Variants in NEGR1 observed in about 807,000 individuals in gnomAD.
NEGR1 encodes the protein IgLON family member 4.
Under a neutral mutation model 40.9 loss-of-function variants are expected in NEGR1, and 10 were observed. The observed-to-expected ratio is 0.24, with a 90% CI of 0.15 to 0.42. The LOEUF (loss-of-function observed/expected upper bound fraction) is 0.42. Ranked by LOEUF, NEGR1 falls within the 10% of genes least tolerant of loss-of-function variation. The pLI, the probability that NEGR1 is intolerant of heterozygous loss-of-function variation, is 1.00. For missense variants in NEGR1, 352 were observed against 438.9 expected (o/e 0.80, Z 1.77); for synonymous variants, 185 against 166.8 (o/e 1.11, Z -0.84).
At chr1:71,898,277 A>G (rs1030180293) in intron 2 of NEGR1, among the ~76,000 whole-genome samples, 10 of 152,114 alleles carry the variant, frequency 6.6e-5, no homozygotes, top group Non-Finnish European at 1.5e-4. Flanking sequence ...TTTATCATCC[A>G]TATCTAAGAA....
intron 4 of NEGR1, among the ~76,000 whole-genome samples, chr1:71,631,075 T>C (rs1350144747): frequency 6.6e-6 from 1 of 151,970 alleles, no homozygotes; most frequent in Non-Finnish European, 1.5e-5. Context: ...TTCACCTTGG[T>C]GATTAACCAC....
At chr1:72,062,224 G>C (rs1647189372) in intron 1 of NEGR1, among the ~76,000 whole-genome samples, 1 of 151,648 alleles carries the variant, frequency 6.6e-6, no homozygotes, top group Admixed American at 6.6e-5. Flanking sequence ...CTCCCCTTTG[G>C]AAGTTTTTCC....
intron 4 of NEGR1, among the ~76,000 whole-genome samples, chr1:71,631,715 A>G (rs1226886421): frequency 6.6e-6 from 1 of 151,836 alleles, no homozygotes; most frequent in Non-Finnish European, 1.5e-5. Flanking sequence ...GAATGAAACC[A>G]TAACTTTATC....
At chr1:71,972,673 C>T (rs1050344506) in intron 1 of NEGR1, among the ~76,000 whole-genome samples, 4 of 152,074 alleles carry the variant, frequency 2.6e-5, no homozygotes, top group East Asian at 1.9e-4. Flanking sequence ...TCCTGCCCCA[C>T]GGATACTATA....
chr1:71,414,389 A>G (rs776516210), intron 6 of NEGR1, among the ~76,000 whole-genome samples: 11 of 152,130 alleles, frequency 7.2e-5, no homozygotes, highest in Non-Finnish European at 1.2e-4. Context: ...CCTTTTTTGT[A>G]TCACTTAATT....
intron 1 of NEGR1, among the ~76,000 whole-genome samples, chr1:72,172,482 C>G (rs1369613480): frequency 6.6e-6 from 1 of 152,064 alleles, no homozygotes; most frequent in East Asian, 1.9e-4. Context: ...AAGGGCCCAT[C>G]ATTAAATGCA....
intron 1 of NEGR1, among the ~76,000 whole-genome samples, chr1:72,187,063 G>T (rs1360903309): frequency 6.6e-6 from 1 of 151,360 alleles, no homozygotes; most frequent in Non-Finnish European, 1.5e-5. Flanking sequence ...CATTTTAGGT[G>T]GCCAATCTCA....
chr1:72,116,856 T>A (rs934348190), intron 1 of NEGR1, among the ~76,000 whole-genome samples: 1 of 151,782 alleles, frequency 6.6e-6, no homozygotes, highest in Non-Finnish European at 1.5e-5. Flanking sequence ...CACATCTATA[T>A]GAATTTTTAT....
intron 1 of NEGR1, among the ~76,000 whole-genome samples, chr1:71,953,311 G>A (rs1027807138): frequency 2.0e-5 from 3 of 151,920 alleles, no homozygotes; most frequent in Non-Finnish European, 2.9e-5. Flanking sequence ...AGTGACTGGA[G>A]ATGCGGTGGA....
At chr1:71,581,778 C>T (rs1649143029) in intron 6 of NEGR1, among the ~76,000 whole-genome samples, 1 of 151,314 alleles carries the variant, frequency 6.6e-6, no homozygotes, top group East Asian at 1.9e-4. Context: ...TCTCGGCTCA[C>T]TGCAGCCTTG....
chr1:72,077,892 T>G (rs1286359564), intron 1 of NEGR1, among the ~76,000 whole-genome samples: 1 of 152,062 alleles, frequency 6.6e-6, no homozygotes, highest in African/African-American at 2.4e-5. Flanking sequence ...AAAAGAACAG[T>G]CAACAACCCC....
intron 1 of NEGR1, among the ~76,000 whole-genome samples, chr1:72,127,709 T>C (rs1650084691): frequency 6.6e-6 from 1 of 152,076 alleles, no homozygotes; most frequent in Admixed American, 6.6e-5. Flanking sequence ...TCAGCGCATC[T>C]ACATCTTTGA....
intron 6 of NEGR1, among the ~76,000 whole-genome samples, chr1:71,479,664 T>C (rs1569924492): frequency 6.6e-6 from 1 of 151,986 alleles, no homozygotes; most frequent in Non-Finnish European, 1.5e-5. Context: ...CCAATCCCAG[T>C]CTAATTGAGT....
chr1:71,924,938 G>A (rs1250739515), intron 2 of NEGR1, among the ~76,000 whole-genome samples: 1 of 151,420 alleles, frequency 6.6e-6, no homozygotes, highest in East Asian at 1.9e-4. Context: ...GTGTCCTAAA[G>A]ATAGCATCAA....
intron 1 of NEGR1, among the ~76,000 whole-genome samples, chr1:72,266,625 T>C (rs1035900011): frequency 6.6e-6 from 1 of 150,528 alleles, no homozygotes; most frequent in African/African-American, 2.4e-5. Context: ...GGTAAATAAA[T>C]TCACTAGGTA....
chr1:71,697,903 C>T, intron 4 of NEGR1, 105 bp downstream of exon 4: 1 of 1,099,156 alleles, frequency 9.1e-7, no homozygotes, highest in Non-Finnish European at 1.3e-6. Flanking sequence ...TGATTTTTAC[C>T]AATAGACAAC....
chr1:71,933,887 G>T (rs768820232), intron 2 of NEGR1, among the ~76,000 whole-genome samples: 1 of 152,000 alleles, frequency 6.6e-6, no homozygotes, highest in Admixed American at 6.6e-5. Flanking sequence ...AACAATTGAA[G>T]GTGTGTTTGA....
intron 1 of NEGR1, among the ~76,000 whole-genome samples, chr1:72,034,914 C>A (rs1462942436): frequency 2.6e-5 from 4 of 152,074 alleles, no homozygotes; most frequent in Admixed American, 2.0e-4. Flanking sequence ...ATGTAAATGC[C>A]AGCAGCTGTA....
At chr1:71,954,384 T>C (rs1022898321) in intron 1 of NEGR1, among the ~76,000 whole-genome samples, 1 of 152,084 alleles carries the variant, frequency 6.6e-6, no homozygotes, top group East Asian at 1.9e-4. Context: ...TCAGAGTACA[T>C]AAGGTATATT....
Sources: allele counts gnomAD v4.1 joint callset (sites outside exome capture counted in the v4.1 genomes callset), GRCh38; gene constraint gnomAD v4.1.1; transcripts MANE v1.5; gene names NCBI Gene and HGNC (gene_info 2026-07-23, HGNC 2026-07-21).